Variants in SH3RF2 observed in about 807,000 individuals in gnomAD.
SH3RF2 encodes the protein SH3 domain containing ring finger 2, also known as E3 ubiquitin-protein ligase SH3RF2.
In SH3RF2, 43 loss-of-function variants were observed where a neutral mutation model predicts 59.0. The ratio of observed to expected loss-of-function variants is 0.73; its 90% CI spans 0.57 to 0.94. The LOEUF (loss-of-function observed/expected upper bound fraction) is 0.94, where lower values mean the gene tolerates loss of function less well. Ranked by LOEUF, SH3RF2 falls within the 40% of genes least tolerant of loss-of-function variation. The pLI is 0.00. For missense variants in SH3RF2, 930 were observed against 940.1 expected (o/e 0.99, Z 0.14); for synonymous variants, 391 against 391.5 (o/e 1.00, Z 0.01).
intron 5 of SH3RF2, chr5:146,042,895 C>T (rs1262854816): frequency 6.6e-6 from 1 of 152,270 alleles, no homozygotes; most frequent in Non-Finnish European, 1.5e-5. Context: ...CCCGATCTGG[C>T]TCAGGACTCG....
At chr5:145,997,601 T>G in intron 2 of SH3RF2, 3 of 1,602,976 alleles carry the variant, frequency 1.9e-6, no homozygotes, top group Non-Finnish European at 2.6e-6. Context: ...GAAAAGGTTT[T>G]AAGTTTAAGA....
chr5:146,024,709 G>T (rs576700527), intron 5 of SH3RF2, among the ~76,000 whole-genome samples: 1 of 152,114 alleles, frequency 6.6e-6, no homozygotes, highest in South Asian at 2.1e-4. Context: ...TTATGATCCA[G>T]CTGGAGTTAA....
In SH3RF2 at chr5:146,013,842, C is replaced by T; in HGVS notation, c.840C>T (p.Gly280=). The part of the protein sequence containing the change: ...NLSLVSSSSR[G]NTSTLRRGPG... Reference sequence around the variant, plus strand: ...CCCTGGTGTCCTCGTCCTCCAGAGGCAACACGTCTACCCTCCGTAGGGGCC... The same window carrying T: ...CCCTGGTGTCCTCGTCCTCCAGAGGTAACACGTCTACCCTCCGTAGGGGCC... The change falls in exon 5 of 10, where the codon GGC becomes GGT. Residue 280 remains glycine (G), a synonymous_variant. Coordinates refer to ENST00000359120, the MANE Select transcript of SH3RF2 (RefSeq NM_152550.4). The T allele has an allele frequency of 6.2e-7, 1 of 1,614,192 alleles. No individual in the cohort carries two copies. The highest frequency in any genetic ancestry group is 8.5e-7 in the Non-Finnish European group (1 of 1,180,028).
intron 2 of SH3RF2, among the ~76,000 whole-genome samples, chr5:145,938,688 T>C (rs1241574592): frequency 6.6e-6 from 1 of 152,238 alleles, no homozygotes; most frequent in Non-Finnish European, 1.5e-5. Context: ...CAACTGCTTG[T>C]TGCTTTTGAG....
chr5:145,991,805 A>G (rs1439967706), intron 2 of SH3RF2, among the ~76,000 whole-genome samples: 2 of 152,224 alleles, frequency 1.3e-5, no homozygotes, highest in Non-Finnish European at 2.9e-5. Flanking sequence ...TGCACTGCAA[A>G]TATCTTTCAG....
chr5:145,943,468 G>A (rs540294041), intron 2 of SH3RF2, among the ~76,000 whole-genome samples: 22 of 152,244 alleles, frequency 1.4e-4, no homozygotes, highest in Non-Finnish European at 2.1e-4. Context: ...GACAAAAGTC[G>A]ATTTTACCGT....
chr5:146,010,842 C>T (rs1453315082), intron 4 of SH3RF2, among the ~76,000 whole-genome samples: 2 of 152,078 alleles, frequency 1.3e-5, no homozygotes, highest in African/African-American at 2.4e-5. Context: ...CTGTTCACTC[C>T]GATGGCAGTT....
At chr5:146,059,396 C>T (rs1041967879) in intron 8 of SH3RF2, among the ~76,000 whole-genome samples, 2 of 152,052 alleles carry the variant, frequency 1.3e-5, no homozygotes, top group African/African-American at 4.8e-5. Flanking sequence ...CTCTCTCCTC[C>T]TCTCTTTCTC....
Position 146,074,036 on chromosome 5 carries a change from C to CTTT in SH3RF2, c.*34-4405_*34-4403dup, listed in dbSNP as rs70998053. Among the ~76,000 whole-genome samples, 509 of 117,166 alleles carry CTTT rather than the reference C, an allele frequency of 4.3e-3. 41 individuals are homozygous for CTTT. The highest frequency in any genetic ancestry group is 0.019 in the African/African-American group (465 of 24,196). The allele number at this position is 117,166 out of a possible 152,430, so 76.9% of individuals were successfully genotyped here. A position where few individuals can be genotyped will look rare whatever the true frequency, so the allele number is the denominator to read the frequency against. ...CCATGGGGTAGGTTTCATTAACACT[C>CTTT]TTTTTTTTTTTTTTTTTTTTTGAGA... On this transcript the variant is annotated intron_variant, in intron 9 of 9. Transcript: ENST00000511217.
intron 5 of SH3RF2, among the ~76,000 whole-genome samples, chr5:146,041,751 G>A (rs148829648): frequency 5.7e-4 from 87 of 152,164 alleles, no homozygotes; most frequent in African/African-American, 2.1e-3. Context: ...GCAACGTGGT[G>A]GAACCCCATT....
At chr5:145,979,743 GT>G (rs1376447064) in intron 2 of SH3RF2, among the ~76,000 whole-genome samples, 1 of 152,152 alleles carries the variant, frequency 6.6e-6, no homozygotes, top group Non-Finnish European at 1.5e-5. Flanking sequence ...GAATAATAGC[GT>G]TTACCTCATA....
At chr5:146,035,767 T>C (rs1034140798) in intron 5 of SH3RF2, among the ~76,000 whole-genome samples, 4 of 152,124 alleles carry the variant, frequency 2.6e-5, no homozygotes, top group Admixed American at 1.3e-4. Context: ...GAGTGGAGCA[T>C]GGAAATTTCT....
intron 5 of SH3RF2, among the ~76,000 whole-genome samples, chr5:146,038,322 C>A: frequency 6.6e-6 from 1 of 152,060 alleles, no homozygotes. Context: ...CCCAGAGGGC[C>A]TGGCCAGCAC....
chr5:146,034,950 A>G (rs538670539), intron 5 of SH3RF2, among the ~76,000 whole-genome samples: 1 of 152,286 alleles, frequency 6.6e-6, no homozygotes, highest in African/African-American at 2.4e-5. Flanking sequence ...TACTAAAAAT[A>G]CAAAAGTTAG....
At chr5:145,975,817 C>A (rs999374300) in intron 2 of SH3RF2, among the ~76,000 whole-genome samples, 1 of 152,252 alleles carries the variant, frequency 6.6e-6, no homozygotes, top group African/African-American at 2.4e-5. Flanking sequence ...GCAGACAAAT[C>A]CCTGCTCTGT....
Position 146,000,084 on chromosome 5 carries a change from C to A in SH3RF2, c.405C>A (p.Asn135Lys). 6.2e-7 allele frequency: 1 copy of A among 1,613,248 alleles called. No individual in the cohort carries two copies. The highest frequency in any genetic ancestry group is 1.7e-4 in the Middle Eastern group (1 of 6,058). ...TGCCTCGAGCAAAGGCCTTATGCAACTACAGAGGGCAGAATCCCGGTGACC... is the reference window on the plus strand; with the variant it reads ...TGCCTCGAGCAAAGGCCTTATGCAAATACAGAGGGCAGAATCCCGGTGACC... ...DGVPRAKALCNYRGQNPGDLR... is the reference protein window; with the variant it reads ...DGVPRAKALCKYRGQNPGDLR... Residue 135 changes from asparagine to lysine, a missense_variant, in exon 3 of 10, where the codon AAC (asparagine) becomes AAA (lysine). Physicochemically the swap from Asn to Lys is moderately conservative, Grantham distance 94. Transcript: ENST00000359120.
chr5:146,055,856 G>A (rs1580930730), intron 7 of SH3RF2, 125 bp from the exon 8 acceptor site: 2 of 1,097,414 alleles, frequency 1.8e-6, no homozygotes, highest in Non-Finnish European at 2.6e-6. Context: ...GTATGGGTGG[G>A]AAGAAGGTGA....
chr5:145,940,995 T>C (rs1757793477), intron 2 of SH3RF2, among the ~76,000 whole-genome samples: 1 of 152,150 alleles, frequency 6.6e-6, no homozygotes, highest in Admixed American at 6.5e-5. Context: ...TAGGTATTAT[T>C]ATTGAACTTG....
chr5:146,056,928 C>T lies in SH3RF2; in HGVS notation c.1555+715C>T, dbSNP rs34284855. 9.4e-3 allele frequency among the ~76,000 whole-genome samples: 1,433 copies of T among 152,350 alleles called. 7 individuals carry two copies. Among genetic ancestry groups the T allele is most frequent in the Non-Finnish European group, 0.014 (921 of 68,034 alleles). On this transcript the variant is annotated intron_variant, in intron 8 of 9. Transcript: ENST00000359120. ...TGAGAACTATGCTTTTGTCTCTTCA[C>T]ATAGTGAACTTCTACATAAGATTTC...
Sources: gnomAD v4.1 joint callset for allele counts (sites outside exome capture counted in the v4.1 genomes callset) on GRCh38, gnomAD v4.1.1 for gene constraint, MANE v1.5 for transcripts, NCBI Gene and HGNC (gene_info 2026-07-23, HGNC 2026-07-21) for gene names.